Variants in ME1 observed in about 807,000 individuals in gnomAD.
ME1 encodes malic enzyme 1.
ME1 carries 74 observed loss-of-function variants against 66.4 expected under a neutral mutation model. The observed-to-expected ratio is 1.11, with a 90% confidence interval of 0.92 to 1.35. ME1 has a LOEUF of 1.35. Among genes scored for constraint, ME1 ranks in the 40% most tolerant of loss-of-function variants. The pLI, the probability that ME1 is intolerant of heterozygous loss-of-function variation, is 0.00. For missense variants in ME1, 750 were observed against 694.1 expected, an observed-to-expected ratio of 1.08 and a Z score of -0.90; for synonymous variants, 251 against 235.6, an observed-to-expected ratio of 1.07 and a Z score of -0.60.
intron 3 of ME1, among the ~76,000 whole-genome samples, chr6:83,370,342 C>T (rs766666521): frequency 3.9e-5 from 6 of 152,058 alleles, no homozygotes; most frequent in Non-Finnish European, 8.8e-5. Context: ...TGTTCAATCC[C>T]GTATGTGATA....
intron 4 of ME1, among the ~76,000 whole-genome samples, chr6:83,351,249 T>A (rs1247855221): frequency 1.3e-5 from 2 of 152,062 alleles, no homozygotes; most frequent in Admixed American, 1.3e-4. Flanking sequence ...AAAATAATTT[T>A]AAAAAGATCA....
chr6:83,251,355 C>T (rs1010151327), intron 7 of ME1, among the ~76,000 whole-genome samples: 2 of 151,770 alleles, frequency 1.3e-5, no homozygotes, highest in South Asian at 2.1e-4. Context: ...ATTAGCCGGG[C>T]GCAGTGGCAC....
chr6:83,239,429 T>C (rs1238013748), intron 8 of ME1, 110 bp downstream of exon 8: 1 of 699,224 alleles, frequency 1.4e-6, no homozygotes, highest in Non-Finnish European at 2.5e-6. Context: ...AAGCCTACAG[T>C]CATAATATAC....
rs1248762219 is a variant in ME1, at chr6:83,211,561, G to A, written c.*363C>T. 1 of 154,492 alleles carries A rather than the reference G, an allele frequency of 6.5e-6. No individual in the cohort carries two copies. The highest frequency in any genetic ancestry group is 1.4e-5 in the Non-Finnish European group (1 of 70,210). 9.6% of individuals were successfully genotyped at this position (154,492 alleles called of 1,614,324 possible). ...TTGAAAAGTAGATTTTAACAAAATG[G>A]TCAACAAAATAATTATGAGTTTTAA... On this transcript the variant is annotated 3_prime_UTR_variant, in exon 14 of 14. Transcript: ENST00000369705.
chr6:83,316,427 C>T (rs537366962), intron 5 of ME1, among the ~76,000 whole-genome samples: 12 of 152,022 alleles, frequency 7.9e-5, no homozygotes, highest in East Asian at 5.8e-4. Flanking sequence ...ACTTCCTTAA[C>T]GCAATAAAGG....
intron 13 of ME1, among the ~76,000 whole-genome samples, chr6:83,213,018 C>G (rs1381179706): frequency 2.0e-5 from 3 of 150,622 alleles, no homozygotes; most frequent in Non-Finnish European, 2.9e-5. Flanking sequence ...TTCATATATA[C>G]TATTTAATTC....
intron 2 of ME1, among the ~76,000 whole-genome samples, chr6:83,399,801 T>C (rs943892925): frequency 1.3e-5 from 2 of 152,222 alleles, no homozygotes; most frequent in African/African-American, 4.8e-5. Context: ...TTCCCTAGAA[T>C]AGTTGAAAAT....
intron 3 of ME1, among the ~76,000 whole-genome samples, chr6:83,371,677 C>G (rs746806402): frequency 6.6e-6 from 1 of 152,136 alleles, no homozygotes; most frequent in Non-Finnish European, 1.5e-5. Flanking sequence ...CTGCTGGGTA[C>G]TAAGAAAACG....
At chr6:83,327,382 A>G (rs143461647) in intron 5 of ME1, among the ~76,000 whole-genome samples, 5 of 152,356 alleles carry the variant, frequency 3.3e-5, no homozygotes, top group African/African-American at 1.2e-4. Context: ...TGGGAGAAAT[A>G]TCACCGAATT....
chr6:83,387,561 T>C (rs944445466), intron 3 of ME1, among the ~76,000 whole-genome samples: 3 of 152,076 alleles, frequency 2.0e-5, no homozygotes, highest in African/African-American at 4.8e-5. Flanking sequence ...GTGGTCATGA[T>C]GGCATACTAG....
intron 6 of ME1, among the ~76,000 whole-genome samples, chr6:83,308,896 T>G (rs1159690584): frequency 6.6e-6 from 1 of 151,884 alleles, no homozygotes; most frequent in Admixed American, 6.6e-5. Context: ...GAAAAGGATA[T>G]TTGAGGAAAT....
chr6:83,411,844 T>G (rs1770053922), intron 1 of ME1, among the ~76,000 whole-genome samples: 1 of 152,204 alleles, frequency 6.6e-6, no homozygotes, highest in Admixed American at 6.5e-5. Context: ...TTTCTCCTTT[T>G]TTGTCTTTTC....
chr6:83,393,305 C>G, intron 3 of ME1: 1 of 1,251,908 alleles, frequency 8.0e-7, no homozygotes, highest in South Asian at 1.3e-5. Context: ...GCTGGCATTG[C>G]CCTCAACGAC....
chr6:83,292,969 C>T (rs1250933094), intron 6 of ME1, among the ~76,000 whole-genome samples: 15 of 152,152 alleles, frequency 9.9e-5, no homozygotes, highest in Admixed American at 5.9e-4. Flanking sequence ...GAGGGGATCT[C>T]CTGGTCTGCC....
intron 6 of ME1, among the ~76,000 whole-genome samples, chr6:83,282,905 T>C (rs1276118822): frequency 1.3e-5 from 2 of 152,030 alleles, no homozygotes. Context: ...GTGGCACATA[T>C]ACAACATGGA....
rs75687190 is a variant in ME1, at chr6:83,412,631, G to C, written c.79-4730C>G. Reference sequence around the variant, plus strand: ...TCAACTAGTAAATGGATAAAACTAAGGTATATCCATACACTGAAATATTAC... The same window carrying C: ...TCAACTAGTAAATGGATAAAACTAACGTATATCCATACACTGAAATATTAC... On this transcript the variant is annotated intron_variant, in intron 1 of 13. Transcript: ENST00000369705. Among the ~76,000 whole-genome samples, 877 of 151,658 alleles carry C rather than the reference G, an allele frequency of 5.8e-3. 8 individuals are homozygous for C. The highest frequency in any genetic ancestry group is 0.02 in the African/African-American group (838 of 41,308).
chr6:83,343,519 T>C (rs1768629313), intron 5 of ME1, among the ~76,000 whole-genome samples: 1 of 152,198 alleles, frequency 6.6e-6, no homozygotes, highest in Non-Finnish European at 1.5e-5. Context: ...TCTCTACAAA[T>C]AATACACAGC....
chr6:83,261,194 C>T (rs1766880846), intron 6 of ME1, among the ~76,000 whole-genome samples: 1 of 152,116 alleles, frequency 6.6e-6, no homozygotes, highest in South Asian at 2.1e-4. Flanking sequence ...TTTAGATTTG[C>T]ATTTCTCTAA....
chr6:83,284,628 A>G (rs1767363538), intron 6 of ME1, among the ~76,000 whole-genome samples: 1 of 152,182 alleles, frequency 6.6e-6, no homozygotes, highest in East Asian at 1.9e-4. Flanking sequence ...GATGCAGAAA[A>G]CCTTTCAATA....
Sources: allele counts gnomAD v4.1 joint callset (sites outside exome capture counted in the v4.1 genomes callset), GRCh38; gene constraint gnomAD v4.1.1; transcripts MANE v1.5; gene names NCBI Gene and HGNC (gene_info 2026-07-23, HGNC 2026-07-21).